The following SDK1 variants were observed in gnomAD, a reference collection of about 807,000 sequenced individuals.
SDK1 encodes the protein sidekick cell adhesion molecule 1.
In SDK1, 157 loss-of-function variants were observed where a neutral mutation model predicts 245.5. That is an observed-to-expected ratio of 0.64 (90% CI 0.56 to 0.73). The LOEUF (loss-of-function observed/expected upper bound fraction) is 0.73. SDK1 is among the 30% of genes least tolerant of loss of function. The pLI is 0.00. For missense variants in SDK1, 3,583 were observed against 3,002.3 expected, an observed-to-expected ratio of 1.19 and a Z score of -4.52; for synonymous variants, 1,647 against 1,278.5, an observed-to-expected ratio of 1.29 and a Z score of -6.15.
intron 5 of SDK1, among the ~76,000 whole-genome samples, chr7:3,839,011 A>G (rs1241339865): frequency 6.6e-6 from 1 of 152,114 alleles, no homozygotes; most frequent in Admixed American, 6.5e-5. Flanking sequence ...GTTCATCTAG[A>G]GCAGGGATCT....
chr7:3,740,558 G>T (rs1375024885), intron 4 of SDK1, among the ~76,000 whole-genome samples: 1 of 152,172 alleles, frequency 6.6e-6, no homozygotes, highest in East Asian at 1.9e-4. Flanking sequence ...CTTCTTGACA[G>T]ATAAAATAGT....
intron 22 of SDK1, among the ~76,000 whole-genome samples, chr7:4,104,199 A>C (rs898365802): frequency 2.6e-5 from 4 of 152,228 alleles, no homozygotes; most frequent in African/African-American, 9.6e-5. Flanking sequence ...AGCTGGGACT[A>C]CAGGCATGCA....
chr7:4,102,887 A>C (rs778156912), intron 22 of SDK1, among the ~76,000 whole-genome samples: 1 of 151,498 alleles, frequency 6.6e-6, no homozygotes, highest in Non-Finnish European at 1.5e-5. Context: ...GTGGCATTTG[A>C]AATAGATGCC....
intron 1 of SDK1, among the ~76,000 whole-genome samples, chr7:3,612,473 G>C (rs1462885276): frequency 6.6e-6 from 1 of 152,130 alleles, no homozygotes; most frequent in African/African-American, 2.4e-5. Context: ...TATACATAAT[G>C]AACTGCCAGC....
chr7:3,879,579 G>C (rs1049937998), intron 5 of SDK1, among the ~76,000 whole-genome samples: 2 of 152,186 alleles, frequency 1.3e-5, no homozygotes, highest in South Asian at 2.1e-4. Flanking sequence ...CTGGCAGCCA[G>C]CCACGCTCCC....
chr7:3,360,899 A>G (rs1583742813), intron 1 of SDK1, among the ~76,000 whole-genome samples: 1 of 152,028 alleles, frequency 6.6e-6, no homozygotes, highest in Non-Finnish European at 1.5e-5. Context: ...GTCATGATGC[A>G]TTTGACATCA....
intron 4 of SDK1, among the ~76,000 whole-genome samples, chr7:3,785,242 C>T (rs896091921): frequency 6.6e-6 from 1 of 152,044 alleles, no homozygotes; most frequent in Admixed American, 6.5e-5. Flanking sequence ...TAAAAGATCT[C>T]AGGCAAGAGG....
At chr7:3,768,509 A>T (rs1780320088) in intron 4 of SDK1, among the ~76,000 whole-genome samples, 1 of 152,250 alleles carries the variant, frequency 6.6e-6, no homozygotes, top group Admixed American at 6.5e-5. Context: ...GCTCAGCAGC[A>T]GTTCCTGAGA....
At chr7:3,352,093 TAAG>T (rs978998094) in intron 1 of SDK1, among the ~76,000 whole-genome samples, 10 of 150,430 alleles carry the variant, frequency 6.6e-5, no homozygotes, top group Admixed American at 2.0e-4. Flanking sequence ...GTCAATAAAT[TAAG>T]AAGTATATTT....
intron 4 of SDK1, among the ~76,000 whole-genome samples, chr7:3,740,037 G>C (rs963814177): frequency 6.6e-6 from 1 of 152,138 alleles, no homozygotes; most frequent in Non-Finnish European, 1.5e-5. Flanking sequence ...TCTAATAACT[G>C]GATACAGGTT....
chr7:3,616,944 T>C (rs963809124), intron 1 of SDK1, among the ~76,000 whole-genome samples: 1 of 152,210 alleles, frequency 6.6e-6, no homozygotes, highest in African/African-American at 2.4e-5. Context: ...TAAGGAAATA[T>C]GTGACATTTG....
chr7:3,640,432 A>G (rs986327699), intron 3 of SDK1, among the ~76,000 whole-genome samples: 6 of 152,186 alleles, frequency 3.9e-5, no homozygotes, highest in African/African-American at 9.6e-5. Context: ...TGGAGATGCT[A>G]TACATGTTTG....
At chr7:3,888,392 C>T (rs1006312279) in intron 5 of SDK1, among the ~76,000 whole-genome samples, 3 of 152,196 alleles carry the variant, frequency 2.0e-5, no homozygotes, top group Non-Finnish European at 2.9e-5. Flanking sequence ...CAAAGCAGGA[C>T]ATGAACCGTA....
intron 1 of SDK1, among the ~76,000 whole-genome samples, chr7:3,429,048 C>T (rs569673131): frequency 1.1e-4 from 17 of 152,162 alleles, no homozygotes; most frequent in African/African-American, 3.4e-4. Flanking sequence ...TTCATCTGGC[C>T]GGCTGGTAGT....
At chr7:3,731,123 C>T (rs575617088) in intron 4 of SDK1, among the ~76,000 whole-genome samples, 1 of 152,130 alleles carries the variant, frequency 6.6e-6, no homozygotes, top group African/African-American at 2.4e-5. Context: ...TTCTGCTAGT[C>T]TGCACTCACT....
chr7:3,676,500 T>A (rs1008835009), intron 4 of SDK1, among the ~76,000 whole-genome samples: 1 of 152,132 alleles, frequency 6.6e-6, no homozygotes, highest in Admixed American at 6.5e-5. Flanking sequence ...TAATTTTTTA[T>A]ATTGTTAGTA....
chr7:4,193,673 G>A (rs1190080424), intron 35 of SDK1, among the ~76,000 whole-genome samples: 1 of 151,966 alleles, frequency 6.6e-6, no homozygotes, highest in Non-Finnish European at 1.5e-5. Flanking sequence ...CCACTCACAT[G>A]GTAAGAGCTT....
chr7:3,887,418 A>C (rs1246917698), intron 5 of SDK1, among the ~76,000 whole-genome samples: 1 of 152,122 alleles, frequency 6.6e-6, no homozygotes, highest in South Asian at 2.1e-4. Context: ...ATTAGTGAAC[A>C]TGGAAAGCAT....
chr7:3,836,027 A>G (rs1385599146), intron 5 of SDK1, among the ~76,000 whole-genome samples: 1 of 152,238 alleles, frequency 6.6e-6, no homozygotes, highest in Non-Finnish European at 1.5e-5. Context: ...GCTTATATAG[A>G]GAAAATATGG....
Sources: allele counts gnomAD v4.1 joint callset (sites outside exome capture counted in the v4.1 genomes callset), GRCh38; gene constraint gnomAD v4.1.1; transcripts MANE v1.5; gene names NCBI Gene and HGNC (gene_info 2026-07-23, HGNC 2026-07-21).